The following SLC46A2 variants were observed in gnomAD, a reference collection of about 807,000 sequenced individuals.
SLC46A2 encodes thymic stromal co-transporter.
SLC46A2 carries 25 observed loss-of-function variants against 33.1 expected under a neutral mutation model. The ratio of observed to expected loss-of-function variants is 0.76; its 90% CI spans 0.55 to 1.06. The LOEUF (loss-of-function observed/expected upper bound fraction) is 1.06. Ranked by LOEUF, SLC46A2 falls within the 50% of genes least tolerant of loss-of-function variation. The pLI, the probability that SLC46A2 is intolerant of heterozygous loss-of-function variation, is 0.00. For synonymous variants in SLC46A2, 254 were observed against 275.9 expected (o/e 0.92, Z 0.79); for missense variants, 622 against 621.7 (o/e 1.00, Z 0.00).
chr9:112,886,436 C>G (rs368432309), intron 3 of SLC46A2, 24 bp downstream of exon 3: 22 of 1,613,686 alleles, frequency 1.4e-5, no homozygotes, highest in Non-Finnish European at 1.8e-5. Context: ...CCAGCCCAAG[C>G]AGCAGATGCT....
In SLC46A2 at chr9:112,890,193, G is replaced by T. The variant is rs183788604; in HGVS notation, c.489C>A (p.Gly163=). The change falls in exon 1 of 4, where the codon GGC becomes GGA. Residue 163 remains glycine, a synonymous_variant. Transcript: ENST00000374228. This position sits in a 1 kb window ranked among gnomAD's most constrained non-coding sequence, Gnocchi z 6.0. ...WSGVMALGSL[G]SSEGRRSVRL... ...GCACAGAGCGGCGGCCCTCGGAGGA[G>T]CCCAGCGATCCCAGCGCCATGACCC... 6.2e-7 allele frequency: 1 copy of T among 1,612,852 alleles called. No individual in the cohort carries two copies. The highest frequency in any genetic ancestry group is 8.5e-7 in the Non-Finnish European group (1 of 1,179,898).
Position 112,889,861 on chromosome 9 carries a change from C to G in SLC46A2, c.821G>C (p.Gly274Ala), listed in dbSNP as rs749497725. 58 of 1,614,066 alleles carry G rather than the reference C, an allele frequency of 3.6e-5. No homozygotes were observed. Among genetic ancestry groups the G allele is most frequent in the Non-Finnish European group, 4.6e-5 (54 of 1,180,036 alleles). ...QYAVGHPPSP[G>A]KAKPHKTTIA... is the part of the protein sequence containing the mutation. Reference sequence around the variant, plus strand: ...GGTGGTTTTATGGGGTTTTGCTTTTCCAGGAGATGGAGGGTGCCCCACTGC... The same window carrying G: ...GGTGGTTTTATGGGGTTTTGCTTTTGCAGGAGATGGAGGGTGCCCCACTGC... Residue 274 changes from glycine (G) to alanine (A), a missense_variant, in exon 1 of 4, where the codon GGA (glycine) becomes GCA (alanine). Gly to Ala is a moderately conservative substitution (Grantham distance 60). Transcript: ENST00000374228.
intron 3 of SLC46A2, 85 bp from the exon 4 acceptor site, chr9:112,879,904 T>A: frequency 7.5e-7 from 1 of 1,332,500 alleles, no homozygotes; most frequent in Non-Finnish European, 1.1e-6. Context: ...TAATGATAAT[T>A]ACAAGCCAGG....
In SLC46A2 at chr9:112,890,399, C is replaced by A. The variant is rs553409959; in HGVS notation, c.283G>T (p.Gly95Trp). The change falls in exon 1 of 4, where the codon GGG becomes TGG. Residue 95 changes from glycine (G) to tryptophan (W), a missense_variant. Gly to Trp is a radical substitution (Grantham distance 184). Coordinates refer to ENST00000374228, the MANE Select transcript of SLC46A2 (RefSeq NM_033051.4). This position sits in a 1 kb window ranked among gnomAD's most constrained non-coding sequence, Gnocchi z 6.0. ...VGLSPLLSAY[G>W]LGWLSDRYHR... ...TAGCGGTCGCTGAGCCATCCCAGCCCGTAGGCGGACAGCAGGGGGGACAGG... is the reference window on the plus strand; with the variant it reads ...TAGCGGTCGCTGAGCCATCCCAGCCAGTAGGCGGACAGCAGGGGGGACAGG... 1.2e-6 allele frequency: 2 copies of A among 1,614,180 alleles called. No homozygotes were observed. Among genetic ancestry groups the A allele is most frequent in the East Asian group, 4.5e-5 (2 of 44,882 alleles).
At chr9:112,884,581 T>TA (rs1330487211) in intron 3 of SLC46A2, among the ~76,000 whole-genome samples, 1 of 133,854 alleles carries the variant, frequency 7.5e-6, no homozygotes, top group African/African-American at 2.5e-5. Flanking sequence ...GCACCGCAGA[T>TA]TAATTGAGTC....
In SLC46A2 at chr9:112,889,588, A is replaced by G; in HGVS notation, c.1094T>C (p.Leu365Ser). 1.2e-6 allele frequency: 2 copies of G among 1,613,690 alleles called. No individual in the cohort carries two copies. The highest frequency in any genetic ancestry group is 1.7e-6 in the Non-Finnish European group (2 of 1,179,832). ...CATGTATGTCTCTTTCACAAAAGCC[A>G]AGAGGAGGGCTCCTGACCCAAAGGA... Reference protein sequence around the residue: ...MVSFGSGALLLAFVKETYMFY... With the variant: ...MVSFGSGALLSAFVKETYMFY... Residue 365 changes from leucine to serine, a missense_variant, in exon 1 of 4, where the codon TTG (leucine) becomes TCG (serine). By Grantham distance (145) the Leu-to-Ser change is moderately radical (BLOSUM62 -2). Transcript: ENST00000374228.
chr9:112,890,757 G>A lies in SLC46A2; in HGVS notation c.-76C>T, dbSNP rs1395495825. The A allele has an allele frequency of 1.3e-6, 2 of 1,487,500 alleles. No homozygotes were observed. Among genetic ancestry groups the A allele is most frequent in the African/African-American group, 1.4e-5 (1 of 69,750 alleles). 92.1% of individuals were successfully genotyped at this position (1,487,500 alleles called of 1,614,324 possible). On this transcript the variant is annotated 5_prime_UTR_variant, in exon 1 of 4. Transcript: ENST00000374228. The surrounding 1 kb of genome is among the most constrained non-coding windows in gnomAD (Gnocchi z 6.0). ...TATGCTCCCAAATTCGGCTGCTACG[G>A]CTGCTCAGGTTTCAGTCCCGGAGCG... is the stretch of plus-strand genomic sequence containing the variant.
rs1279652144 is a variant in SLC46A2 at position 112,890,792 on chromosome 9, TCCGTGCGCCGGGAGCGCGAGTGTGC to T, written c.-136_-112del. 15 of 792,318 alleles carry T rather than the reference TCCGTGCGCCGGGAGCGCGAGTGTGC, an allele frequency of 1.9e-5. No individual in the cohort carries two copies. In the Admixed American group the frequency reaches 6.1e-4, roughly 32 times the overall value. 49.1% of individuals were successfully genotyped at this position (792,318 alleles called of 1,614,324 possible). On this transcript the variant is annotated 5_prime_UTR_variant, in exon 1 of 4. Coordinates refer to ENST00000374228, the MANE Select transcript of SLC46A2 (RefSeq NM_033051.4). The surrounding 1 kb of genome is among the most constrained non-coding windows in gnomAD (Gnocchi z 6.0). ...TTTCAGTCCCGGAGCGCGAGTGTGC[TCCGTGCGCCGGGAGCGCGAGTGTGC>T]TCCGTGCGCCGGGAGCGCGCCGGCC...
At position 112,890,026 on chromosome 9, in the gene SLC46A2, G is replaced by T. The variant is rs1473259355; in HGVS notation, c.656C>A (p.Ala219Asp). The T allele has an allele frequency of 6.2e-7, 1 of 1,613,906 alleles. No homozygotes were observed. Among genetic ancestry groups the T allele is most frequent in the African/African-American group, 1.3e-5 (1 of 74,926 alleles). ...TAGCACCAAAAGGCTGTAGAGCAGG[G>T]CAAACGAGGCACAGCTCACGCTGCA... The part of the protein sequence containing the change: ...TACSVSCASF[A>D]LLYSLLVLKV... The change falls in exon 1 of 4, where the codon GCC (alanine) becomes GAC (aspartate). Residue 219 changes from alanine to aspartate, a missense_variant. Ala to Asp is a moderately radical substitution (Grantham distance 126). Transcript: ENST00000374228. The surrounding 1 kb of genome is among the most constrained non-coding windows in gnomAD (Gnocchi z 6.0).
chr9:112,890,824 C>T lies in SLC46A2; in HGVS notation c.-143G>A, dbSNP rs572541909. The T allele has an allele frequency of 1.3e-3, 978 of 768,244 alleles. 7 individuals are homozygous for T. In the African/African-American group the frequency reaches 0.017, roughly 13 times the overall value. 47.6% of individuals were successfully genotyped at this position (768,244 alleles called of 1,614,324 possible). On this transcript the variant is annotated 5_prime_UTR_variant, in exon 1 of 4. Transcript: ENST00000374228. This position sits in a 1 kb window ranked among gnomAD's most constrained non-coding sequence, Gnocchi z 6.0. ...GCCGGGAGCGCGAGTGTGCTCCGTG[C>T]GCCGGGAGCGCGCCGGCCAGTGGCG...
chr9:112,880,779 TG>T (rs1346957974), intron 3 of SLC46A2, among the ~76,000 whole-genome samples: 13 of 152,230 alleles, frequency 8.5e-5, no homozygotes, highest in Admixed American at 1.3e-4. Context: ...TCTTTATCAC[TG>T]GTAGACTGAA....
At chr9:112,887,723 C>T (rs1841661823) in intron 1 of SLC46A2, among the ~76,000 whole-genome samples, 1 of 152,112 alleles carries the variant, frequency 6.6e-6, no homozygotes, top group Non-Finnish European at 1.5e-5. Context: ...GAACTGGTAC[C>T]ACCAAAGTGA....
rs943660326 is a variant in SLC46A2 at position 112,880,000 on chromosome 9, C to T, written c.1371-181G>A. 2.7e-5 allele frequency: 14 copies of T among 512,526 alleles called. No homozygotes were observed. The South Asian group carries it at 3.9e-4, about 14-fold the overall frequency. 31.7% of individuals were successfully genotyped at this position (512,526 alleles called of 1,614,324 possible). A position where few individuals can be genotyped will look rare whatever the true frequency, so the allele number is the denominator to read the frequency against. ...CCCTGCAGCTGCTAGCTAAAAGGAG[C>T]ATGTTGACCATTTGCTTCCCCATTG... On this transcript the variant is annotated intron_variant, in intron 3 of 3. Coordinates refer to ENST00000374228, the MANE Select transcript of SLC46A2 (RefSeq NM_033051.4).
chr9:112,884,820 ATT>A (rs1307639972), intron 3 of SLC46A2, among the ~76,000 whole-genome samples: 1 of 151,992 alleles, frequency 6.6e-6, no homozygotes, highest in Non-Finnish European at 1.5e-5. Context: ...CCTTTTGTTG[ATT>A]TTTGGGTTTT....
In SLC46A2 at chr9:112,889,905, A is replaced by G. The variant is rs7021942; in HGVS notation, c.777T>C (p.Asp259=). Residue 259 remains aspartate, a synonymous_variant, in exon 1 of 4, where the codon GAT becomes GAC. Coordinates refer to ENST00000374228, the MANE Select transcript of SLC46A2 (RefSeq NM_033051.4). The part of the protein sequence containing the change: ...TVGTYRTLDP[D]QLDQQYAVGH... ...CCACTGCATACTGTTGGTCCAACTG[A>G]TCAGGATCCAGAGTGCGGTATGTGC... The G allele has an allele frequency of 1.3e-3, 2,102 of 1,614,220 alleles. 15 individuals are homozygous for G. In the African/African-American group the frequency reaches 0.016, roughly 12 times the overall value.
chr9:112,886,576 G>C lies in SLC46A2; in HGVS notation c.1254C>G (p.Thr418=), dbSNP rs200400658. The C allele has an allele frequency of 1.2e-6, 2 of 1,614,076 alleles. No individual in the cohort carries two copies. The highest frequency in any genetic ancestry group is 1.1e-5 in the South Asian group (1 of 91,070). ...TGTACAAGGTGGATGTCACCACGCC[G>C]GTCAGAGCCAAGGACAGCTGCAGTA... is the stretch of plus-strand genomic sequence containing the variant. The part of the protein sequence containing the change: ...FVILQLSLAL[T]GVVTSTLYNK... The change falls in exon 3 of 4, where the codon ACC becomes ACG. Residue 418 remains threonine, a synonymous_variant. Transcript: ENST00000374228.
In SLC46A2 at chr9:112,887,417, A is replaced by G. The variant is rs1292704352; in HGVS notation, c.1130-4T>C. 2 of 1,605,210 alleles carry G rather than the reference A, an allele frequency of 1.2e-6. No homozygotes were observed. Among genetic ancestry groups the G allele is most frequent in the Admixed American group, 3.4e-5 (2 of 58,052 alleles). On this transcript the variant is annotated splice_region_variant and splice_polypyrimidine_tract_variant and intron_variant, in intron 1 of 3. Coordinates refer to ENST00000374228, the MANE Select transcript of SLC46A2 (RefSeq NM_033051.4). ...GCAAACAGCATGACGGCTCGAGCTGAAAGAGATCACACAAGAACACTCCTT... is the reference window on the plus strand; with the variant it reads ...GCAAACAGCATGACGGCTCGAGCTGGAAGAGATCACACAAGAACACTCCTT...
intron 3 of SLC46A2, among the ~76,000 whole-genome samples, chr9:112,884,907 A>T (rs1023775611): frequency 3.9e-5 from 6 of 152,110 alleles, no homozygotes; most frequent in African/African-American, 1.4e-4. Context: ...GGCAAAAACT[A>T]CTCATCCTTT....
Position 112,879,822 on chromosome 9 carries a change from G to T in SLC46A2, c.1371-3C>A. On this transcript the variant is annotated splice_region_variant and splice_polypyrimidine_tract_variant and intron_variant, in intron 3 of 3. Coordinates refer to ENST00000374228, the MANE Select transcript of SLC46A2 (RefSeq NM_033051.4). ...GGACTTGTTTATAGGCCACGATGCTGTAAGAATTGACCATAGAGAGTTACA... is the reference window on the plus strand; with the variant it reads ...GGACTTGTTTATAGGCCACGATGCTTTAAGAATTGACCATAGAGAGTTACA... The T allele has an allele frequency of 6.2e-7, 1 of 1,612,366 alleles. No homozygotes were observed. Among genetic ancestry groups the T allele is most frequent in the Non-Finnish European group, 8.5e-7 (1 of 1,178,606 alleles).
Sources: allele counts gnomAD v4.1 joint callset (sites outside exome capture counted in the v4.1 genomes callset), GRCh38; gene constraint gnomAD v4.1.1; non-coding constraint Gnocchi (gnomAD v3.1); transcripts MANE v1.5; gene names NCBI Gene and HGNC (gene_info 2026-07-23, HGNC 2026-07-21).